Variants in DNAJC15 observed in about 807,000 individuals in gnomAD.
DNAJC15 encodes the protein dnaJ homolog subfamily C member 15.
DNAJC15 carries 27 observed loss-of-function variants against 22.4 expected under a neutral mutation model. The observed-to-expected ratio is 1.20, with a 90% CI of 0.89 to 1.66. The LOEUF is 1.66. Among genes scored for constraint, DNAJC15 ranks in the 40% most tolerant of loss-of-function variants. DNAJC15 has a pLI of 0.00. For synonymous variants in DNAJC15, 79 were observed against 63.2 expected (o/e 1.25, Z -1.19); for missense variants, 208 against 187.1 (o/e 1.11, Z -0.65).
chr13:43,026,761 A>G (rs1317871628), intron 1 of DNAJC15, among the ~76,000 whole-genome samples: 1 of 152,314 alleles, frequency 6.6e-6, no homozygotes. Flanking sequence ...TGGGCTGGAC[A>G]TGGTGGCTCA....
intron 4 of DNAJC15, 67 bp from the exon 5 acceptor site, chr13:43,085,701 A>G (rs920482854): frequency 7.1e-7 from 1 of 1,410,920 alleles, no homozygotes; most frequent in Non-Finnish European, 9.8e-7. Context: ...TGAAACCCAT[A>G]TAAACCCTTA....
intron 1 of DNAJC15, among the ~76,000 whole-genome samples, chr13:43,055,527 TTCGACCAAGAGCCTTGG>T (rs1022702724): frequency 6.6e-6 from 1 of 152,222 alleles, no homozygotes; most frequent in Non-Finnish European, 1.5e-5. Flanking sequence ...TCCTTGACTG[TTCGACCAAGAGCCTTGG>T]TATTTACCCC....
chr13:43,113,396 T>C lies in DNAJC15; in HGVS notation c.*6148T>C, dbSNP rs886622597. On this transcript the variant is annotated 3_prime_UTR_variant, in exon 6 of 6. Coordinates refer to ENST00000379221, the MANE Select transcript of DNAJC15 (RefSeq NM_013238.3). ...GGGTTATTTGTCCATGCCATACTTT[T>C]TTTGCCAAATTCCAAAATTGTGTAT... 1 of 152,222 alleles carries C rather than the reference T, an allele frequency of 6.6e-6. No homozygotes were observed. The highest frequency in any genetic ancestry group is 2.4e-5 in the African/African-American group (1 of 41,450). 9.4% of individuals were successfully genotyped at this position (152,222 alleles called of 1,614,324 possible).
At chr13:43,034,439 C>G (rs1454256216) in intron 1 of DNAJC15, among the ~76,000 whole-genome samples, 2 of 150,942 alleles carry the variant, frequency 1.3e-5, no homozygotes, top group African/African-American at 4.9e-5. Flanking sequence ...CCTCAGCCTC[C>G]TGAGTAGCTG....
intron 1 of DNAJC15, among the ~76,000 whole-genome samples, chr13:43,048,893 C>T (rs2040490175): frequency 6.6e-6 from 1 of 151,924 alleles, no homozygotes; most frequent in African/African-American, 2.4e-5. Flanking sequence ...TTTTTTAAGC[C>T]ATAAACGTCT....
At chr13:43,063,631 T>G (rs570573766) in intron 1 of DNAJC15, among the ~76,000 whole-genome samples, 63 of 150,540 alleles carry the variant, frequency 4.2e-4, no homozygotes, top group Non-Finnish European at 7.7e-4. Context: ...ATCACTGACT[T>G]AGTCTTTTGC....
chr13:43,093,562 C>T (rs1399122099), intron 5 of DNAJC15, among the ~76,000 whole-genome samples: 1 of 152,010 alleles, frequency 6.6e-6, no homozygotes, highest in African/African-American at 2.4e-5. Flanking sequence ...AGGTGTGTGC[C>T]AACATACCCA....
At chr13:43,025,779 CTG>C (rs2040377963) in intron 1 of DNAJC15, among the ~76,000 whole-genome samples, 1 of 152,166 alleles carries the variant, frequency 6.6e-6, no homozygotes, top group African/African-American at 2.4e-5. Context: ...TAGCACAAGT[CTG>C]TAATTCCAGC....
At chr13:43,079,592 A>T (rs1476535504) in intron 4 of DNAJC15, among the ~76,000 whole-genome samples, 1 of 152,146 alleles carries the variant, frequency 6.6e-6, no homozygotes, top group Non-Finnish European at 1.5e-5. Context: ...CAGATTAGGA[A>T]GTTTGCTATA....
chr13:43,086,472 G>A (rs1241968656), intron 5 of DNAJC15, among the ~76,000 whole-genome samples: 4 of 151,972 alleles, frequency 2.6e-5, no homozygotes, highest in Non-Finnish European at 5.9e-5. Context: ...AGGGGGGTGG[G>A]GGAGGAAAGT....
At chr13:43,077,280 A>G (rs2040637893) in intron 3 of DNAJC15, among the ~76,000 whole-genome samples, 1 of 152,226 alleles carries the variant, frequency 6.6e-6, no homozygotes, top group Admixed American at 6.5e-5. Flanking sequence ...AGTCATTTGC[A>G]CAGCTTGGGT....
chr13:43,024,190 TGTCTCCAAA>T (rs2040367197), intron 1 of DNAJC15, among the ~76,000 whole-genome samples: 2 of 152,108 alleles, frequency 1.3e-5, no homozygotes, highest in African/African-American at 4.8e-5. Flanking sequence ...CCAGGACTAC[TGTCTCCAAA>T]GTCTCCGGCA....
At position 43,111,258 on chromosome 13, in the gene DNAJC15, A is replaced by C. The variant is rs1381765404; in HGVS notation, c.*4010A>C. The C allele has an allele frequency of 6.6e-6, 1 of 152,254 alleles. No individual in the cohort carries two copies. The highest frequency in any genetic ancestry group is 1.5e-5 in the Non-Finnish European group (1 of 68,048). 9.4% of individuals were successfully genotyped at this position (152,254 alleles called of 1,614,324 possible). A position where few individuals can be genotyped will look rare whatever the true frequency, so the allele number is the denominator to read the frequency against. On this transcript the variant is annotated 3_prime_UTR_variant, in exon 6 of 6. Transcript: ENST00000379221. ...ATTCAGCAAATATTGAATACTTACT[A>C]TATCAGGCAGTAAAGATATAAATTC...
At chr13:43,089,900 C>G (rs2040706085) in intron 5 of DNAJC15, among the ~76,000 whole-genome samples, 1 of 152,132 alleles carries the variant, frequency 6.6e-6, no homozygotes, top group Non-Finnish European at 1.5e-5. Flanking sequence ...ACTTTGCCAG[C>G]CTTTGCACTG....
intron 1 of DNAJC15, among the ~76,000 whole-genome samples, chr13:43,028,702 T>G (rs1388963201): frequency 2.0e-5 from 3 of 152,178 alleles, no homozygotes; most frequent in Non-Finnish European, 4.4e-5. Flanking sequence ...TTCATGAAAT[T>G]TTATGGTTCT....
At chr13:43,097,937 C>A (rs780461113) in intron 5 of DNAJC15, among the ~76,000 whole-genome samples, 4 of 151,618 alleles carry the variant, frequency 2.6e-5, no homozygotes, top group Non-Finnish European at 4.4e-5. Flanking sequence ...AACTCCATCT[C>A]AAAAAAAGAA....
intron 1 of DNAJC15, among the ~76,000 whole-genome samples, chr13:43,040,819 A>G (rs555994613): frequency 1.3e-5 from 2 of 152,302 alleles, no homozygotes; most frequent in African/African-American, 2.4e-5. Flanking sequence ...TCTCTGCATC[A>G]TAGACAAGGT....
At chr13:43,040,890 G>T (rs902913431) in intron 1 of DNAJC15, among the ~76,000 whole-genome samples, 1 of 152,210 alleles carries the variant, frequency 6.6e-6, no homozygotes, top group African/African-American at 2.4e-5. Flanking sequence ...GCCTTAAAGA[G>T]CAGTATTGCT....
intron 4 of DNAJC15, among the ~76,000 whole-genome samples, chr13:43,081,567 T>G (rs1291678247): frequency 1.3e-5 from 2 of 151,792 alleles, no homozygotes; most frequent in Non-Finnish European, 2.9e-5. Context: ...GCCTCCCAAG[T>G]AGCTGGGACT....
Sources: allele counts gnomAD v4.1 joint callset (sites outside exome capture counted in the v4.1 genomes callset), GRCh38; gene constraint gnomAD v4.1.1; transcripts MANE v1.5; gene names NCBI Gene and HGNC (gene_info 2026-07-23, HGNC 2026-07-21).